Variants in BTBD9 observed in about 807,000 individuals in gnomAD.
BTBD9 encodes the protein BTB/POZ domain-containing protein 9.
In BTBD9, 49 loss-of-function variants were observed where a neutral mutation model predicts 64.3. The ratio of observed to expected loss-of-function variants is 0.76; its 90% CI spans 0.61 to 0.97. The LOEUF (loss-of-function observed/expected upper bound fraction) is 0.97, where lower values mean the gene tolerates loss of function less well. BTBD9 is among the 50% of genes least tolerant of loss of function. The probability of loss-of-function intolerance (pLI) is 0.00; values close to 1 mark genes in which losing one functional copy is unlikely to be tolerated. For synonymous variants in BTBD9, 260 were observed against 274.7 expected (o/e 0.95, Z 0.53); for missense variants, 598 against 762.1 (o/e 0.78, Z 2.53).
At chr6:38,537,181 T>C (rs1774058007) in intron 6 of BTBD9, among the ~76,000 whole-genome samples, 1 of 152,178 alleles carries the variant, frequency 6.6e-6, no homozygotes, top group Non-Finnish European at 1.5e-5. Context: ...TTGCACTGTT[T>C]TGTGTATAGA....
At chr6:38,222,260 T>G (rs1186817417) in intron 9 of BTBD9, among the ~76,000 whole-genome samples, 1 of 122,058 alleles carries the variant, frequency 8.2e-6, no homozygotes, top group Non-Finnish European at 1.7e-5. Context: ...TTCAGTTGTT[T>G]TTTTTTTTTT....
chr6:38,220,250 G>A (rs1763156018), intron 9 of BTBD9, among the ~76,000 whole-genome samples: 1 of 152,250 alleles, frequency 6.6e-6, no homozygotes, highest in Non-Finnish European at 1.5e-5. Flanking sequence ...ACGTTCACTA[G>A]TCCCACTGCA....
chr6:38,611,122 G>T (rs908801337), intron 1 of BTBD9, among the ~76,000 whole-genome samples: 3 of 152,010 alleles, frequency 2.0e-5, no homozygotes, highest in African/African-American at 7.2e-5. Flanking sequence ...ATATATATGT[G>T]TTTAAATACA....
At chr6:38,588,367 T>C in intron 4 of BTBD9, 9 of 863,336 alleles carry the variant, frequency 1.0e-5, no homozygotes, top group Non-Finnish European at 1.8e-5. Flanking sequence ...GGCCCCTGCC[T>C]CTCAACCTAG....
chr6:38,575,606 G>C (rs1250430586), intron 6 of BTBD9, among the ~76,000 whole-genome samples: 1 of 152,082 alleles, frequency 6.6e-6, no homozygotes, highest in Non-Finnish European at 1.5e-5. Flanking sequence ...AATCTACAGA[G>C]ACATATTCTT....
At position 38,408,228 on chromosome 6, in the gene BTBD9, T is replaced by G. The variant is rs535313812; in HGVS notation, c.1155-63135A>C. On this transcript the variant is annotated intron_variant, in intron 6 of 10. Coordinates refer to ENST00000481247, the MANE Select transcript of BTBD9 (RefSeq NM_001099272.2). ...GAAAAATTAGTTAGGTGTAGTGACA[T>G]GCACCTGCAGTCCCAGTTTCTTGGG... Among the ~76,000 whole-genome samples the G allele has an allele frequency of 1.3e-4, 20 of 152,144 alleles. No individual in the cohort carries two copies. In the South Asian group the frequency reaches 2.9e-3, roughly 22 times the overall value.
At chr6:38,270,398 G>T (rs1232584381) in intron 8 of BTBD9, among the ~76,000 whole-genome samples, 4 of 150,834 alleles carry the variant, frequency 2.7e-5, no homozygotes, top group Non-Finnish European at 4.4e-5. Context: ...AGACAAAAAA[G>T]ATCAGGAATT....
intron 6 of BTBD9, among the ~76,000 whole-genome samples, chr6:38,517,941 T>A (rs188280627): frequency 6.6e-6 from 1 of 152,320 alleles, no homozygotes; most frequent in East Asian, 1.9e-4. Context: ...ACCCAAGGCT[T>A]AGCCACTAGG....
At chr6:38,192,196 A>G (rs1021579305) in intron 10 of BTBD9, among the ~76,000 whole-genome samples, 1 of 152,146 alleles carries the variant, frequency 6.6e-6, no homozygotes, top group African/African-American at 2.4e-5. Flanking sequence ...AACCTCATAC[A>G]ACTGCTGTCA....
chr6:38,437,532 A>C (rs1195251718), intron 6 of BTBD9, among the ~76,000 whole-genome samples: 1 of 152,144 alleles, frequency 6.6e-6, no homozygotes, highest in African/African-American at 2.4e-5. Flanking sequence ...GTTTATTGTT[A>C]TTTCTTTGAA....
intron 7 of BTBD9, among the ~76,000 whole-genome samples, chr6:38,313,292 G>A (rs1245407593): frequency 6.6e-6 from 1 of 152,048 alleles, no homozygotes; most frequent in Non-Finnish European, 1.5e-5. Context: ...GGAGTCTTTA[G>A]GTTTTTTCAA....
chr6:38,250,458 G>C (rs1764352457), intron 9 of BTBD9, among the ~76,000 whole-genome samples: 1 of 152,080 alleles, frequency 6.6e-6, no homozygotes, highest in Admixed American at 6.6e-5. Context: ...CTTCCAAGAG[G>C]GGAACAAGTT....
At chr6:38,257,061 T>C (rs1764604628) in intron 8 of BTBD9, among the ~76,000 whole-genome samples, 1 of 143,716 alleles carries the variant, frequency 7.0e-6, no homozygotes. Flanking sequence ...AGTTGCACAC[T>C]TCTTTTTTTT....
chr6:38,630,219 G>T (rs960259790), intron 1 of BTBD9, among the ~76,000 whole-genome samples: 2 of 151,020 alleles, frequency 1.3e-5, no homozygotes, highest in African/African-American at 4.9e-5. Flanking sequence ...AAAAAAAAAG[G>T]AGACCAAAAG....
At chr6:38,449,790 G>T (rs1344943784) in intron 6 of BTBD9, among the ~76,000 whole-genome samples, 1 of 152,000 alleles carries the variant, frequency 6.6e-6, no homozygotes, top group Non-Finnish European at 1.5e-5. Flanking sequence ...AAAATGGATT[G>T]AAGCCTTAGA....
rs1762129593 is a variant in BTBD9, at chr6:38,192,681, G to A, written c.1563-84C>T. The A allele has an allele frequency of 3.2e-6, 4 of 1,243,776 alleles. No individual in the cohort carries two copies. The African/African-American group carries it at 5.9e-5, about 18-fold the overall frequency. 77.0% of individuals were successfully genotyped at this position (1,243,776 alleles called of 1,614,324 possible). On this transcript the variant is annotated intron_variant, in intron 9 of 10. Transcript: ENST00000481247. ...TGGCCGATGGAGTCATGTCCACTGA[G>A]GAGGGAGGGCTTCCTGTCCTCGGAG...
At chr6:38,279,624 C>G (rs1012338942) in intron 8 of BTBD9, among the ~76,000 whole-genome samples, 1 of 152,146 alleles carries the variant, frequency 6.6e-6, no homozygotes, top group Admixed American at 6.5e-5. Flanking sequence ...CCCCGTGTGG[C>G]CTATCCTGGG....
At chr6:38,243,113 C>G (rs1024540632) in intron 9 of BTBD9, among the ~76,000 whole-genome samples, 13 of 151,994 alleles carry the variant, frequency 8.6e-5, no homozygotes, top group Non-Finnish European at 1.0e-4. Flanking sequence ...TTACCTAAAG[C>G]ATGGGCTCAT....
At chr6:38,310,344 C>T (rs2127570139) in intron 7 of BTBD9, among the ~76,000 whole-genome samples, 1 of 151,798 alleles carries the variant, frequency 6.6e-6, no homozygotes, top group South Asian at 2.1e-4. Context: ...AGACCTGGCG[C>T]AGTTTGGCTT....
Sources: allele counts gnomAD v4.1 joint callset (sites outside exome capture counted in the v4.1 genomes callset), GRCh38; gene constraint gnomAD v4.1.1; transcripts MANE v1.5; gene names NCBI Gene and HGNC (gene_info 2026-07-23, HGNC 2026-07-21).